Variants in RBFOX1 observed in about 807,000 individuals in gnomAD.
RBFOX1 encodes the protein RNA binding fox-1 homolog 1, also known as RNA binding protein fox-1 homolog 1.
In RBFOX1, 8 loss-of-function variants were observed where a neutral mutation model predicts 57.7. The ratio of observed to expected loss-of-function variants is 0.14; its 90% CI spans 0.08 to 0.25. The LOEUF is 0.25. RBFOX1 is among the 10% of genes least tolerant of loss of function. RBFOX1 has a pLI of 1.00. For synonymous variants in RBFOX1, 326 were observed against 222.4 expected (o/e 1.47, Z -4.15); for missense variants, 611 against 548.5 (o/e 1.11, Z -1.14).
At chr16:7,120,830 T>TATATACACACAC (rs1226442313) in intron 4 of RBFOX1, among the ~76,000 whole-genome samples, 4 of 86,540 alleles carry the variant, frequency 4.6e-5, no homozygotes, top group Non-Finnish European at 1.0e-4. Context: ...TATGTATATA[T>TATATACACACAC]ACACACACAC....
chr16:6,951,489 G>C (rs996896704), intron 3 of RBFOX1, among the ~76,000 whole-genome samples: 2 of 152,138 alleles, frequency 1.3e-5, no homozygotes, highest in African/African-American at 2.4e-5. Context: ...GCTGAGTCTG[G>C]GGTGGTTTTT....
intron 2 of RBFOX1, among the ~76,000 whole-genome samples, chr16:6,642,400 A>G (rs2098499273): frequency 6.6e-6 from 1 of 152,158 alleles, no homozygotes; most frequent in Non-Finnish European, 1.5e-5. Context: ...TTATTTGCAA[A>G]CAGACCTTTG....
At chr16:6,984,382 C>A (rs1418385626) in intron 3 of RBFOX1, among the ~76,000 whole-genome samples, 2 of 152,278 alleles carry the variant, frequency 1.3e-5, no homozygotes, top group African/African-American at 2.4e-5. Context: ...CTACATCCTA[C>A]AGCACTACTG....
chr16:7,403,535 T>G (rs1055296224), intron 4 of RBFOX1, among the ~76,000 whole-genome samples: 3 of 150,790 alleles, frequency 2.0e-5, no homozygotes, highest in African/African-American at 7.3e-5. Flanking sequence ...TCCTCCAGGT[T>G]CACCCATATT....
chr16:7,015,514 C>G (rs753650422), intron 3 of RBFOX1, among the ~76,000 whole-genome samples: 2 of 152,074 alleles, frequency 1.3e-5, no homozygotes, highest in Non-Finnish European at 2.9e-5. Context: ...AGTGTTTTTC[C>G]CTTCCCAAAT....
At chr16:6,717,675 G>T (rs950376507) in intron 3 of RBFOX1, among the ~76,000 whole-genome samples, 1 of 151,806 alleles carries the variant, frequency 6.6e-6, no homozygotes, top group African/African-American at 2.4e-5. Flanking sequence ...CTTCAGAGCT[G>T]ACAAGTGATA....
At position 5,508,616 on chromosome 16, in the gene RBFOX1, G is replaced by T. The variant is rs149829928; in HGVS notation, c.258+41362G>T. On this transcript the variant is annotated intron_variant, in intron 2 of 2. Transcript: ENST00000585867. ...TTGCACAGAGTGCCACACCCAAGAT[G>T]TTGGGGGTGGGGGGACTGCACAGAG... Among the ~76,000 whole-genome samples the T allele has an allele frequency of 2.3e-3, 356 of 152,040 alleles. 1 individual carries two copies. Among genetic ancestry groups the T allele is most frequent in the African/African-American group, 8.3e-3 (343 of 41,480 alleles).
chr16:7,308,976 A>G (rs187403827), intron 4 of RBFOX1, among the ~76,000 whole-genome samples: 1 of 152,252 alleles, frequency 6.6e-6, no homozygotes, highest in East Asian at 1.9e-4. Context: ...TCCCGTGTTG[A>G]TTTATTAGAT....
At chr16:7,521,315 A>G (rs1203000394) in intron 5 of RBFOX1, among the ~76,000 whole-genome samples, 1 of 152,200 alleles carries the variant, frequency 6.6e-6, no homozygotes, top group Non-Finnish European at 1.5e-5. Context: ...GGGATTTGAC[A>G]TCCTACAGAC....
At chr16:6,770,119 T>G (rs2078045277) in intron 3 of RBFOX1, among the ~76,000 whole-genome samples, 1 of 152,240 alleles carries the variant, frequency 6.6e-6, no homozygotes, top group African/African-American at 2.4e-5. Flanking sequence ...GGAACTTGTA[T>G]TAAGCAGAAA....
At chr16:6,515,572 T>G (rs2096359835) in intron 2 of RBFOX1, among the ~76,000 whole-genome samples, 1 of 152,206 alleles carries the variant, frequency 6.6e-6, no homozygotes, top group Non-Finnish European at 1.5e-5. Flanking sequence ...TTAAATAGAA[T>G]AATTTTTTTC....
chr16:6,451,538 G>A (rs1036883900), intron 2 of RBFOX1, among the ~76,000 whole-genome samples: 71 of 152,082 alleles, frequency 4.7e-4, no homozygotes, highest in African/African-American at 1.7e-3. Flanking sequence ...CTTCCCCAAC[G>A]TGGGGAAGAT....
intron 2 of RBFOX1, among the ~76,000 whole-genome samples, chr16:5,521,116 A>G (rs1054854665): frequency 6.6e-6 from 1 of 152,136 alleles, no homozygotes; most frequent in Non-Finnish European, 1.5e-5. Context: ...ATAAGCCCCT[A>G]TCTGTTTGGG....
At chr16:6,645,259 C>A (rs918516318) in intron 2 of RBFOX1, among the ~76,000 whole-genome samples, 1 of 152,152 alleles carries the variant, frequency 6.6e-6, no homozygotes, top group African/African-American at 2.4e-5. Context: ...TGCACAGACT[C>A]CATTTGCAAA....
chr16:7,388,442 A>T (rs1346248080), intron 4 of RBFOX1, among the ~76,000 whole-genome samples: 1 of 152,086 alleles, frequency 6.6e-6, no homozygotes, highest in Non-Finnish European at 1.5e-5. Flanking sequence ...GGGCTTTGGG[A>T]TACAACAAAT....
At chr16:5,755,308 T>C (rs1002091126) in intron 3 of RBFOX1, among the ~76,000 whole-genome samples, 10 of 151,878 alleles carry the variant, frequency 6.6e-5, no homozygotes, top group Non-Finnish European at 1.2e-4. Flanking sequence ...GTCTACTTCT[T>C]TCTACACAGA....
At chr16:6,207,391 A>G (rs1458154063) in intron 1 of RBFOX1, among the ~76,000 whole-genome samples, 1 of 152,224 alleles carries the variant, frequency 6.6e-6, no homozygotes, top group East Asian at 1.9e-4. Flanking sequence ...TGCATAATTC[A>G]GAAGCTAAAC....
chr16:5,828,980 G>T (rs1275229810), intron 3 of RBFOX1, among the ~76,000 whole-genome samples: 3 of 152,162 alleles, frequency 2.0e-5, no homozygotes, highest in Non-Finnish European at 4.4e-5. Flanking sequence ...GTCTCCCACA[G>T]GCTGCAGTTG....
At chr16:7,207,875 A>G (rs2090317996) in intron 4 of RBFOX1, among the ~76,000 whole-genome samples, 1 of 152,210 alleles carries the variant, frequency 6.6e-6, no homozygotes, top group South Asian at 2.1e-4. Context: ...GCTAAGGAGA[A>G]GATAAATGGT....
Sources: allele counts gnomAD v4.1 joint callset (sites outside exome capture counted in the v4.1 genomes callset), GRCh38; gene constraint gnomAD v4.1.1; transcripts MANE v1.5; gene names NCBI Gene and HGNC (gene_info 2026-07-23, HGNC 2026-07-21).